Variants in SLC22A24 observed in about 807,000 individuals in gnomAD.
SLC22A24 encodes steroid transmembrane transporter SLC22A24.
SLC22A24 carries 53 observed loss-of-function variants against 49.8 expected under a neutral mutation model. The ratio of observed to expected loss-of-function variants is 1.06; its 90% confidence interval spans 0.85 to 1.34. SLC22A24 has a LOEUF of 1.34. Ranked by LOEUF, SLC22A24 falls within the 40% of genes most tolerant of loss-of-function variation. The pLI, the probability that SLC22A24 is intolerant of heterozygous loss-of-function variation, is 0.00. For synonymous variants in SLC22A24, 302 were observed against 256.4 expected, an observed-to-expected ratio of 1.18 and a Z score of -1.70; for missense variants, 786 against 675.9, an observed-to-expected ratio of 1.16 and a Z score of -1.81.
chr11:63,088,309 C>G (rs1199289745), intron 6 of SLC22A24, among the ~76,000 whole-genome samples: 5 of 152,022 alleles, frequency 3.3e-5, no homozygotes, highest in Admixed American at 2.0e-4. Context: ...CTCAAACAAA[C>G]TGCAGCAGAC....
At chr11:63,088,213 G>A (rs960616826) in intron 6 of SLC22A24, among the ~76,000 whole-genome samples, 19 of 152,242 alleles carry the variant, frequency 1.2e-4, no homozygotes, top group Admixed American at 6.5e-4. Context: ...CTGGGATGAA[G>A]CTTCCAGAGG....
chr11:63,093,998 GTTA>G (rs1208931302), intron 6 of SLC22A24, among the ~76,000 whole-genome samples: 4 of 151,138 alleles, frequency 2.6e-5, no homozygotes, highest in Non-Finnish European at 5.9e-5. Flanking sequence ...AAAAAAATTT[GTTA>G]TTATTATACT....
At chr11:63,123,858 C>G (rs756125536) in intron 2 of SLC22A24, among the ~76,000 whole-genome samples, 4 of 152,202 alleles carry the variant, frequency 2.6e-5, no homozygotes, top group Non-Finnish European at 5.9e-5. Context: ...GATCTTTCCT[C>G]TGGACTATTT....
intron 5 of SLC22A24, among the ~76,000 whole-genome samples, chr11:63,098,745 G>A (rs1393906106): frequency 6.6e-6 from 1 of 151,476 alleles, no homozygotes; most frequent in East Asian, 1.9e-4. Context: ...GAAAAACAAG[G>A]GCAAACCAAA....
intron 2 of SLC22A24, among the ~76,000 whole-genome samples, chr11:63,133,383 C>T (rs1041361034): frequency 6.6e-6 from 1 of 152,172 alleles, no homozygotes; most frequent in African/African-American, 2.4e-5. Flanking sequence ...AGAAATCACC[C>T]ATCTTCTGTG....
intron 6 of SLC22A24, among the ~76,000 whole-genome samples, chr11:63,087,771 G>A (rs2135194125): frequency 6.6e-6 from 1 of 152,280 alleles, no homozygotes; most frequent in South Asian, 2.1e-4. Flanking sequence ...TGAGGCTTTA[G>A]TAGGCAGTTT....
At chr11:63,118,182 G>T (rs1205724301) in intron 4 of SLC22A24, among the ~76,000 whole-genome samples, 5 of 151,470 alleles carry the variant, frequency 3.3e-5, no homozygotes, top group African/African-American at 1.2e-4. Flanking sequence ...AATAACTCAA[G>T]CTCTGTCCTC....
intron 4 of SLC22A24, among the ~76,000 whole-genome samples, chr11:63,107,145 A>G (rs942227049): frequency 6.6e-5 from 10 of 152,198 alleles, no homozygotes; most frequent in African/African-American, 9.7e-5. Context: ...AGCTTTCTAC[A>G]TATGGCTAGC....
At chr11:63,110,646 G>C (rs1156493941) in intron 4 of SLC22A24, among the ~76,000 whole-genome samples, 1 of 133,958 alleles carries the variant, frequency 7.5e-6, no homozygotes, top group Middle Eastern at 3.2e-3. Context: ...TTGGCTCTCT[G>C]TTTGTCTGTT....
At chr11:63,118,783 C>A (rs1210320720) in intron 4 of SLC22A24, 129 bp downstream of exon 4, 1 of 949,698 alleles carries the variant, frequency 1.1e-6, no homozygotes, top group South Asian at 1.4e-5. Flanking sequence ...TCAGGTGACA[C>A]AATAGGTACT....
chr11:63,112,047 G>A (rs2087169390), intron 4 of SLC22A24, among the ~76,000 whole-genome samples: 1 of 151,842 alleles, frequency 6.6e-6, no homozygotes, highest in South Asian at 2.1e-4. Context: ...CTGGTATGTT[G>A]TGTCTTTGGT....
rs1590739026 is a variant in SLC22A24 at position 63,111,418 on chromosome 11, G to A, written c.831-7120C>T. On this transcript the variant is annotated intron_variant, in intron 4 of 9. Transcript: ENST00000612278. ...TCTATTGATTGGAATAGTTTCAGAA[G>A]GAAAGGTACCAGTTCCTCCTTGTAC... 3.9e-5 allele frequency among the ~76,000 whole-genome samples: 6 copies of A among 151,904 alleles called. No individual in the cohort carries two copies. The East Asian group carries it at 1.2e-3, about 29-fold the overall frequency.
chr11:63,108,745 G>A (rs2087139856), intron 4 of SLC22A24, among the ~76,000 whole-genome samples: 2 of 151,540 alleles, frequency 1.3e-5, no homozygotes, highest in South Asian at 4.2e-4. Flanking sequence ...ATTCTCTGAT[G>A]GTAGTATGCA....
intron 4 of SLC22A24, among the ~76,000 whole-genome samples, chr11:63,107,406 G>C (rs901185608): frequency 6.6e-6 from 1 of 152,116 alleles, no homozygotes; most frequent in Non-Finnish European, 1.5e-5. Flanking sequence ...GATTGTCTTG[G>C]CAATGTGGGC....
rs1273166592 is a variant in SLC22A24 at position 63,081,014 on chromosome 11, C to T, written c.1504G>A (p.Gly502Arg). Residue 502 changes from glycine to arginine, a missense_variant, in exon 9 of 10, where the codon GGA becomes AGA. Transcript: ENST00000612278. ...GGGACAGCAAGGATGGGGAAGACTC[C>T]ATAGGAAATCCAGGGTAGGTGGGGA... ...YSPHLPWISYGVFPILAVPVI... is the reference protein window; with the variant it reads ...YSPHLPWISYRVFPILAVPVI... The T allele has an allele frequency of 2.6e-6, 4 of 1,551,748 alleles. No individual in the cohort carries two copies. The Admixed American group carries it at 7.8e-5, about 30-fold the overall frequency.
intron 6 of SLC22A24, among the ~76,000 whole-genome samples, chr11:63,090,010 G>A (rs1013887060): frequency 1.4e-5 from 2 of 145,444 alleles, no homozygotes; most frequent in Non-Finnish European, 3.0e-5. Flanking sequence ...GAACCCAGGA[G>A]GCAGAGCTTG....
intron 4 of SLC22A24, among the ~76,000 whole-genome samples, chr11:63,113,213 C>T (rs368713304): frequency 0.019 from 49 of 2,524 alleles, 1 homozygote; most frequent in Admixed American, 0.031. Context: ...CATATATATA[C>T]ACATATATAT....
chr11:63,101,561 T>A (rs535422214), intron 5 of SLC22A24, among the ~76,000 whole-genome samples: 109 of 152,040 alleles, frequency 7.2e-4, no homozygotes, highest in Non-Finnish European at 1.3e-3. Context: ...GCCCAGGAGT[T>A]CCATATGATC....
chr11:63,143,700 G>A lies in SLC22A24; in HGVS notation c.80C>T (p.Thr27Ile). The A allele has an allele frequency of 6.4e-7, 1 of 1,563,322 alleles. No homozygotes were observed. Among genetic ancestry groups the A allele is most frequent in the Non-Finnish European group, 8.6e-7 (1 of 1,156,586 alleles). Reference protein sequence around the residue: ...QICLIAFFCITNILLFPNIVL... With the variant: ...QICLIAFFCIINILLFPNIVL... ...AATATTAGGGAACAGTAGGATGTTG[G>A]TGATGCAAAAGAAAGCTATCAGACA... The change falls in exon 1 of 10, where the codon ACC (threonine) becomes ATC (isoleucine). Residue 27 changes from threonine to isoleucine, a missense_variant. Transcript: ENST00000612278.
Sources: gnomAD v4.1 joint callset for allele counts (sites outside exome capture counted in the v4.1 genomes callset) on GRCh38, gnomAD v4.1.1 for gene constraint, MANE v1.5 for transcripts, NCBI Gene and HGNC (gene_info 2026-07-23, HGNC 2026-07-21) for gene names.